RHBDD3: variants seen among roughly 807,000 people sequenced by gnomAD.
RHBDD3 encodes the protein rhomboid domain-containing protein 3.
A neutral mutation model predicts 32.3 loss-of-function variants in RHBDD3; 34 were observed. The observed-to-expected ratio is 1.05, with a 90% confidence interval of 0.80 to 1.40. The LOEUF is 1.40. RHBDD3 is among the 40% of genes most tolerant of loss of function. RHBDD3 has a pLI of 0.00. For missense variants in RHBDD3, 482 were observed against 492.6 expected (o/e 0.98, Z 0.20); for synonymous variants, 249 against 239.1 (o/e 1.04, Z -0.38).
At chr22:29,263,426 G>A (rs549298680) in intron 4 of RHBDD3, among the ~76,000 whole-genome samples, 5 of 152,254 alleles carry the variant, frequency 3.3e-5, no homozygotes, top group South Asian at 2.1e-4. Context: ...TGATCTGCCC[G>A]CCTGGCCTCC....
chr22:29,265,669 C>T lies in RHBDD3; in HGVS notation c.-42-1G>A. ...TCAAGGGTGGTCCTGGGGCTGTGTG[C>T]TGGGGATAAAAGAAAACAATAACAA... On this transcript the variant is annotated splice_acceptor_variant, in intron 2 of 6. Transcript: ENST00000216085. LOFTEE classifies it low-confidence loss of function (5UTR_SPLICE). The T allele has an allele frequency of 6.5e-7, 1 of 1,539,994 alleles. No homozygotes were observed. Among genetic ancestry groups the T allele is most frequent in the Non-Finnish European group, 8.7e-7 (1 of 1,154,074 alleles).
At chr22:29,265,328 G>A (rs919974661) in intron 3 of RHBDD3, 151 bp downstream of exon 3, 3 of 583,216 alleles carry the variant, frequency 5.1e-6, no homozygotes, top group Non-Finnish European at 8.5e-6. Context: ...TGGATGTGCT[G>A]GGCATGCTCC....
chr22:29,266,189 C>G (rs992879395), intron 2 of RHBDD3, among the ~76,000 whole-genome samples: 1 of 152,186 alleles, frequency 6.6e-6, no homozygotes, highest in Non-Finnish European at 1.5e-5. Flanking sequence ...ACTGAGACAT[C>G]CCCTTTGAGG....
rs765212443 is a variant in RHBDD3 at position 29,264,184 on chromosome 22, C to T, written c.183G>A (p.Thr61=). Residue 61 remains threonine, a synonymous_variant, in exon 4 of 7, where the codon ACG becomes ACA. Transcript: ENST00000216085. ...HRLLTHALGH[T]ALPGLLLSLL... Reference sequence around the variant, plus strand: ...GGCTCAGGAGCAGGCCTGGCAGGGCCGTGTGGCCCAGGGCATGGGTCAGCA... The same window carrying T: ...GGCTCAGGAGCAGGCCTGGCAGGGCTGTGTGGCCCAGGGCATGGGTCAGCA... 64 of 1,569,820 alleles carry T rather than the reference C, an allele frequency of 4.1e-5. No homozygotes were observed. Among genetic ancestry groups the T allele is most frequent in the Non-Finnish European group, 5.3e-5 (61 of 1,158,606 alleles).
Position 29,264,178 on chromosome 22 carries a change from C to A in RHBDD3, c.189G>T (p.Leu63=). The part of the protein sequence containing the change: ...LLTHALGHTA[L]PGLLLSLLLL... Reference sequence around the variant, plus strand: ...GCAGCAGGCTCAGGAGCAGGCCTGGCAGGGCCGTGTGGCCCAGGGCATGGG... The same window carrying A: ...GCAGCAGGCTCAGGAGCAGGCCTGGAAGGGCCGTGTGGCCCAGGGCATGGG... The change falls in exon 4 of 7, where the codon CTG becomes CTT. Residue 63 remains leucine (L), a synonymous_variant. Transcript: ENST00000216085. 1 of 1,575,604 alleles carries A rather than the reference C, an allele frequency of 6.3e-7. No individual in the cohort carries two copies. The highest frequency in any genetic ancestry group is 8.6e-7 in the Non-Finnish European group (1 of 1,161,838).
chr22:29,260,232 T>C lies in RHBDD3; in HGVS notation c.989A>G (p.Gln330Arg), dbSNP rs1472983034. The C allele has an allele frequency of 1.9e-6, 3 of 1,600,898 alleles. No individual in the cohort carries two copies. The Admixed American group carries it at 5.2e-5, about 28-fold the overall frequency. Residue 330 changes from glutamine to arginine, a missense_variant, in exon 7 of 7, where the codon CAG (glutamine) becomes CGG (arginine). Physicochemically the swap from Gln to Arg is conservative, Grantham distance 43. Transcript: ENST00000216085. ...SKSSVSSLRL[Q>R]QLERMGFPTE... ...AGGGAAGCCCATGCGCTCCAGCTGC[T>C]GCAGCCTGTTGGGGGTGGGGGGAGA...
intron 2 of RHBDD3, among the ~76,000 whole-genome samples, chr22:29,267,044 C>T (rs1454512168): frequency 2.6e-5 from 4 of 152,234 alleles, no homozygotes; most frequent in Admixed American, 2.6e-4. Context: ...TCCAACCCCA[C>T]ATTCCCCAGG....
chr22:29,260,809 C>T lies in RHBDD3; in HGVS notation c.588G>A (p.Leu196=), dbSNP rs763014815. 1 of 1,607,070 alleles carries T rather than the reference C, an allele frequency of 6.2e-7. No individual in the cohort carries two copies. The highest frequency in any genetic ancestry group is 8.5e-7 in the Non-Finnish European group (1 of 1,177,810). The change falls in exon 5 of 7, where the codon CTG becomes CTA. Residue 196 remains leucine (L), a synonymous_variant. Transcript: ENST00000216085. ...AGGTCCTGCACAAGACGCCCTCCTG[C>T]AGCACCTGCAGCCGTCGCTCTGAGG... ...LEPSERRLQV[L]QEGVLCRTLA...
rs2058106860 is a variant in RHBDD3 at position 29,260,797 on chromosome 22, G to A, written c.600C>T (p.Val200=). Residue 200 remains valine, a synonymous_variant, in exon 5 of 7, where the codon GTC becomes GTT. Coordinates refer to ENST00000216085, the MANE Select transcript of RHBDD3 (RefSeq NM_012265.3). ...AGCACCCCGCCAAGGTCCTGCACAA[G>A]ACGCCCTCCTGCAGCACCTGCAGCC... The part of the protein sequence containing the change: ...ERRLQVLQEG[V]LCRTLAGCWP... The A allele has an allele frequency of 6.2e-7, 1 of 1,607,740 alleles. No individual in the cohort carries two copies. The highest frequency in any genetic ancestry group is 8.5e-7 in the Non-Finnish European group (1 of 1,178,116).
At position 29,260,143 on chromosome 22, in the gene RHBDD3, C is replaced by A. The variant is rs1428150762; in HGVS notation, c.1078G>T (p.Val360Phe). ...GTCTCAGTGCCCACTTGTCCTCCAA[C>A]CAACAGTGACACGGCACCCTCCACA... ...GRVEGAVSLLVGGQVGTETLV... is the reference protein window; with the variant it reads ...GRVEGAVSLLFGGQVGTETLV... The change falls in exon 7 of 7, where the codon GTT (valine) becomes TTT (phenylalanine). Residue 360 changes from valine to phenylalanine, a missense_variant. Physicochemically the swap from Val to Phe is conservative, Grantham distance 50 (BLOSUM62 -1). Transcript: ENST00000216085. The A allele has an allele frequency of 2.5e-6, 4 of 1,589,082 alleles. No homozygotes were observed. The African/African-American group carries it at 4.0e-5, about 16-fold the overall frequency.
In RHBDD3 at chr22:29,267,567, A is replaced by C. The variant is rs1429621964; in HGVS notation, c.-184T>G. The C allele has an allele frequency of 1.3e-5, 2 of 152,882 alleles. No homozygotes were observed. Among genetic ancestry groups the C allele is most frequent in the African/African-American group, 4.8e-5 (2 of 41,474 alleles). The allele number at this position is 152,882 out of a possible 1,614,324, so 9.5% of individuals were successfully genotyped here. ...GAGATACTCAATTTCCTTGGGCCTC[A>C]GTTTCCCCTTCTGTAGAAACAAGGA... is the stretch of plus-strand genomic sequence containing the variant. On this transcript the variant is annotated 5_prime_UTR_variant, in exon 2 of 7. Coordinates refer to ENST00000216085, the MANE Select transcript of RHBDD3 (RefSeq NM_012265.3).
intron 2 of RHBDD3, among the ~76,000 whole-genome samples, chr22:29,266,947 C>A (rs959306448): frequency 6.6e-6 from 1 of 152,244 alleles, no homozygotes; most frequent in Non-Finnish European, 1.5e-5. Context: ...TCCTCTGGCC[C>A]CCTAACATCA....
chr22:29,261,525 T>C (rs1441641917), intron 4 of RHBDD3: 1 of 356,368 alleles, frequency 2.8e-6, no homozygotes, highest in East Asian at 7.9e-5. Context: ...GCCCAGGAGT[T>C]TGAGGCTGTA....
chr22:29,263,933 G>A lies in RHBDD3; in HGVS notation c.434C>T (p.Pro145Leu), dbSNP rs751651782. ...AAGCAGCAGCCACGGCGACAGCCAC[G>A]GTGGCAGTGCCCCACGGGGCCGTCT... is the stretch of plus-strand genomic sequence containing the variant. ...RPRRPRGALP[P>L]WLSPWLLLAL... Residue 145 changes from proline to leucine, a missense_variant, in exon 4 of 7, where the codon CCG becomes CTG. Pro to Leu is a moderately conservative substitution (Grantham distance 98). Coordinates refer to ENST00000216085, the MANE Select transcript of RHBDD3 (RefSeq NM_012265.3). The A allele has an allele frequency of 4.5e-5, 69 of 1,550,154 alleles. No individual in the cohort carries two copies. Among genetic ancestry groups the A allele is most frequent in the African/African-American group, 1.6e-4 (12 of 73,248 alleles).
In RHBDD3 at chr22:29,265,678, A is replaced by C; in HGVS notation, c.-42-10T>G. 1 of 1,529,806 alleles carries C rather than the reference A, an allele frequency of 6.5e-7. No individual in the cohort carries two copies. Among genetic ancestry groups the C allele is most frequent in the Non-Finnish European group, 8.7e-7 (1 of 1,149,856 alleles). 94.8% of individuals were successfully genotyped at this position (1,529,806 alleles called of 1,614,324 possible). ...GTCCTGGGGCTGTGTGCTGGGGATA[A>C]AAGAAAACAATAACAAGTTATTACT... is the stretch of plus-strand genomic sequence containing the variant. On this transcript the variant is annotated splice_polypyrimidine_tract_variant and intron_variant, in intron 2 of 6. Coordinates refer to ENST00000216085, the MANE Select transcript of RHBDD3 (RefSeq NM_012265.3).
In RHBDD3 at chr22:29,264,562, T is replaced by C. The variant is rs994737634; in HGVS notation, c.149-344A>G. On this transcript the variant is annotated intron_variant, in intron 3 of 6. Transcript: ENST00000216085. ...ATCATACCTGGCTGAGAGCATGAAA[T>C]GGCCTGCTTCAATCCTGGAGCTACC... 11 of 981,552 alleles carry C rather than the reference T, an allele frequency of 1.1e-5. No individual in the cohort carries two copies. The African/African-American group carries it at 1.9e-4, about 17-fold the overall frequency. The allele number at this position is 981,552 out of a possible 1,614,324, so 60.8% of individuals were successfully genotyped here.
intron 3 of RHBDD3, chr22:29,264,458 T>C: frequency 7.7e-7 from 1 of 1,305,712 alleles, no homozygotes; most frequent in Non-Finnish European, 9.7e-7. Context: ...TGCCACTCAG[T>C]CTTTTCACTG....
chr22:29,265,678 A>G lies in RHBDD3; in HGVS notation c.-42-10T>C. On this transcript the variant is annotated splice_polypyrimidine_tract_variant and intron_variant, in intron 2 of 6. Transcript: ENST00000216085. The stretch of plus-strand genomic sequence containing the variant: ...GTCCTGGGGCTGTGTGCTGGGGATA[A>G]AAGAAAACAATAACAAGTTATTACT... 2.6e-6 allele frequency: 4 copies of G among 1,529,806 alleles called. No individual in the cohort carries two copies. The highest frequency in any genetic ancestry group is 3.5e-6 in the Non-Finnish European group (4 of 1,149,856). The allele number at this position is 1,529,806 out of a possible 1,614,324, so 94.8% of individuals were successfully genotyped here.
chr22:29,260,124 G>A lies in RHBDD3; in HGVS notation c.1097C>T (p.Thr366Ile), dbSNP rs766327953. ...CTTTCCATGGGTCACCAGGGTCTCA[G>A]TGCCCACTTGTCCTCCAACCAACAG... ...VSLLVGGQVG[T>I]ETLVTHGKGG... Residue 366 changes from threonine (T) to isoleucine (I), a missense_variant, in exon 7 of 7, where the codon ACT (threonine) becomes ATT (isoleucine). Coordinates refer to ENST00000216085, the MANE Select transcript of RHBDD3 (RefSeq NM_012265.3). The A allele has an allele frequency of 2.5e-6, 4 of 1,585,972 alleles. No individual in the cohort carries two copies. The highest frequency in any genetic ancestry group is 2.3e-5 in the South Asian group (2 of 87,076).
Sources: gnomAD v4.1 joint callset for allele counts (sites outside exome capture counted in the v4.1 genomes callset) on GRCh38, gnomAD v4.1.1 for gene constraint, MANE v1.5 for transcripts, NCBI Gene and HGNC (gene_info 2026-07-23, HGNC 2026-07-21) for gene names.